Variants in IQUB observed in about 807,000 individuals in gnomAD.
IQUB encodes IQ motif and ubiquitin domain containing, also known as IQ motif and ubiquitin-like domain-containing protein.
In IQUB, 86 loss-of-function variants were observed where a neutral mutation model predicts 86.4. That is an observed-to-expected ratio of 1.00 (90% confidence interval 0.84 to 1.19). The LOEUF is 1.19. Ranked by LOEUF, IQUB falls within the 50% of genes most tolerant of loss-of-function variation. The probability of loss-of-function intolerance (pLI) is 0.00; values close to 1 mark genes in which losing one functional copy is unlikely to be tolerated. For missense variants in IQUB, 946 were observed against 916.9 expected (o/e 1.03, Z -0.41); for synonymous variants, 289 against 304.5 (o/e 0.95, Z 0.53).
In IQUB at chr7:123,464,952, G is replaced by A. The variant is rs199522362; in HGVS notation, c.1639C>T (p.Leu547Phe). The A allele has an allele frequency of 3.6e-4, 580 of 1,600,650 alleles. 1 individual carries two copies. The highest frequency in any genetic ancestry group is 3.5e-3 in the Middle Eastern group (21 of 6,022). Residue 547 changes from leucine to phenylalanine, a missense_variant, in exon 10 of 13, where the codon CTT becomes TTT. Coordinates refer to ENST00000324698, the MANE Select transcript of IQUB (RefSeq NM_178827.5). ...TGATGTTTGACTCCTCTCATCATAA[G>A]GTCAACCTCTCTGTCAATCAATTCT... ...ILELIDREVD[L>F]MMRGVKHHNL... is the part of the protein sequence containing the mutation.
At chr7:123,468,314 T>C (rs2117011211) in intron 9 of IQUB, among the ~76,000 whole-genome samples, 1 of 152,254 alleles carries the variant, frequency 6.6e-6, no homozygotes, top group Middle Eastern at 3.4e-3. Context: ...ATGACTACAC[T>C]AGGGGCTGCA....
intron 8 of IQUB, among the ~76,000 whole-genome samples, chr7:123,469,702 T>A (rs926549813): frequency 2.1e-4 from 32 of 152,202 alleles, no homozygotes; most frequent in African/African-American, 6.8e-4. Context: ...GGACAATTAT[T>A]TGCTTGGTTC....
chr7:123,462,906 G>GAATT (rs1264329734), intron 10 of IQUB: 4 of 446,726 alleles, frequency 9.0e-6, no homozygotes, highest in Non-Finnish European at 1.8e-5. Flanking sequence ...TTAAGCTACA[G>GAATT]AATTAAACTC....
At chr7:123,466,287 CAT>C (rs1487661314) in intron 9 of IQUB, among the ~76,000 whole-genome samples, 1 of 152,086 alleles carries the variant, frequency 6.6e-6, no homozygotes, top group East Asian at 1.9e-4. Context: ...TCATACTAAA[CAT>C]ATTAAGATAT....
At chr7:123,502,784 A>G in intron 5 of IQUB, 32 bp from the exon 6 acceptor site, 3 of 1,500,532 alleles carry the variant, frequency 2.0e-6, no homozygotes, top group South Asian at 1.2e-5. Flanking sequence ...TTAAATCAGT[A>G]TCCCCTATAT....
intron 11 of IQUB, among the ~76,000 whole-genome samples, chr7:123,460,030 A>G (rs1248941447): frequency 6.6e-6 from 1 of 151,964 alleles, no homozygotes; most frequent in Admixed American, 6.6e-5. Context: ...ATAGGGGTAA[A>G]GATAAACACT....
intron 3 of IQUB, 104 bp from the exon 4 acceptor site, chr7:123,503,467 T>G (rs1796042575): frequency 1.5e-6 from 1 of 664,924 alleles, no homozygotes; most frequent in African/African-American, 1.8e-5. Flanking sequence ...GTATATATTG[T>G]GTACAGCATG....
intron 7 of IQUB, among the ~76,000 whole-genome samples, chr7:123,495,370 C>T (rs1795661065): frequency 6.6e-6 from 1 of 151,852 alleles, no homozygotes; most frequent in Non-Finnish European, 1.5e-5. Flanking sequence ...TGGTAAATAG[C>T]ATATTATCTT....
At chr7:123,480,367 G>C (rs928117008) in intron 7 of IQUB, among the ~76,000 whole-genome samples, 8 of 152,072 alleles carry the variant, frequency 5.3e-5, no homozygotes, top group African/African-American at 1.9e-4. Context: ...TTTCAGATCT[G>C]CTGCCTTGTT....
chr7:123,452,750 G>A lies in IQUB; in HGVS notation c.2369C>T (p.Pro790Leu), dbSNP rs1793479339. The A allele has an allele frequency of 6.2e-7, 1 of 1,610,842 alleles. No individual in the cohort carries two copies. Among genetic ancestry groups the A allele is most frequent in the Non-Finnish European group, 8.5e-7 (1 of 1,177,928 alleles). The change falls in exon 13 of 13, where the codon CCT becomes CTT. Residue 790 changes from proline to leucine, a missense_variant. Pro to Leu is a moderately conservative substitution (Grantham distance 98). Transcript: ENST00000324698. ...TPKIIESQRP[P>L]H ...CAAATACTCCTGGATCACCTAATGA[G>A]GAGGCCTCTGGGATTCTATAATCTT...
intron 1 of IQUB, among the ~76,000 whole-genome samples, chr7:123,533,506 ATTGT>A (rs1314596212): frequency 1.3e-5 from 2 of 152,104 alleles, no homozygotes; most frequent in South Asian, 4.1e-4. Context: ...AAAGTTTTAG[ATTGT>A]TAGGTAGTGA....
intron 8 of IQUB, among the ~76,000 whole-genome samples, chr7:123,478,350 C>A (rs1794839026): frequency 6.6e-6 from 1 of 152,048 alleles, no homozygotes. Flanking sequence ...CATGTTCTCA[C>A]TTATAGGTGG....
At position 123,457,452 on chromosome 7, in the gene IQUB, AC is replaced by A. The variant is rs1307165258; in HGVS notation, c.2121del (p.Trp707CysfsTer20). On this transcript the variant is annotated frameshift_variant, in exon 12 of 13. Coordinates refer to ENST00000324698, the MANE Select transcript of IQUB (RefSeq NM_178827.5). LOFTEE classifies it high-confidence loss of function. ...VMVRWNKSLE[W>X]SPWNCILLTK... ...GTAAGAAGAATGCAGTTCCAGGGGG[AC>A]CACTCCAGGGATTTATTCCATCTGA... is the stretch of plus-strand genomic sequence containing the variant. 1 of 1,611,684 alleles carries A rather than the reference AC, an allele frequency of 6.2e-7. No homozygotes were observed. The highest frequency in any genetic ancestry group is 8.5e-7 in the Non-Finnish European group (1 of 1,178,718).
intron 10 of IQUB, 151 bp from the exon 11 acceptor site, chr7:123,461,756 T>G: frequency 8.1e-6 from 5 of 617,806 alleles, no homozygotes; most frequent in Non-Finnish European, 1.2e-5. Context: ...ATTTTATTTT[T>G]CCCTGAACTT....
intron 3 of IQUB, among the ~76,000 whole-genome samples, chr7:123,508,319 G>A (rs541642755): frequency 1.3e-5 from 2 of 152,270 alleles, no homozygotes; most frequent in South Asian, 2.1e-4. Flanking sequence ...AATTAATTTT[G>A]GATTTTTTGC....
At chr7:123,468,223 G>A (rs372554211) in intron 9 of IQUB, among the ~76,000 whole-genome samples, 35 of 152,324 alleles carry the variant, frequency 2.3e-4, no homozygotes, top group African/African-American at 8.4e-4. Context: ...GACCAGTCAA[G>A]ATGCTAGTTC....
chr7:123,480,155 G>C (rs1225096686), intron 7 of IQUB, among the ~76,000 whole-genome samples, 185 bp from the exon 8 acceptor site: 1 of 152,114 alleles, frequency 6.6e-6, no homozygotes, highest in Admixed American at 6.6e-5. Context: ...CTTAATAAAA[G>C]TAGAGCCAAA....
At position 123,457,481 on chromosome 7, in the gene IQUB, A is replaced by G. The variant is rs1793757566; in HGVS notation, c.2093T>C (p.Met698Thr). ...SACDNLSDLV[M>T]VRWNKSLEWS... ...CTCCAGGGATTTATTCCATCTGACC[A>G]TGACCAGATCACTGAGATTGTCGCA... The change falls in exon 12 of 13, where the codon ATG (methionine) becomes ACG (threonine). Residue 698 changes from methionine (M) to threonine (T), a missense_variant. Coordinates refer to ENST00000324698, the MANE Select transcript of IQUB (RefSeq NM_178827.5). 4 of 1,611,516 alleles carry G rather than the reference A, an allele frequency of 2.5e-6. No homozygotes were observed. In the African/African-American group the frequency reaches 4.0e-5, roughly 16 times the overall value.
At chr7:123,520,282 G>C (rs762561844) in intron 1 of IQUB, among the ~76,000 whole-genome samples, 1 of 152,082 alleles carries the variant, frequency 6.6e-6, no homozygotes, top group Non-Finnish European at 1.5e-5. Flanking sequence ...TTACTGCAGA[G>C]ATTTTGATCT....
Sources: allele counts gnomAD v4.1 joint callset (sites outside exome capture counted in the v4.1 genomes callset), GRCh38; gene constraint gnomAD v4.1.1; transcripts MANE v1.5; gene names NCBI Gene and HGNC (gene_info 2026-07-23, HGNC 2026-07-21).